The following OGA variants were observed in gnomAD, a reference collection of about 807,000 sequenced individuals.
The protein encoded by OGA is O-GlcNAcase, also known as protein O-GlcNAcase.
OGA carries 21 observed loss-of-function variants against 102.0 expected under a neutral mutation model. The ratio of observed to expected loss-of-function variants is 0.21; its 90% confidence interval spans 0.15 to 0.30. The LOEUF (loss-of-function observed/expected upper bound fraction) is 0.30, where lower values mean the gene tolerates loss of function less well. OGA is among the 10% of genes least tolerant of loss of function. The pLI is 1.00. For synonymous variants in OGA, 408 were observed against 378.2 expected, an observed-to-expected ratio of 1.08 and a Z score of -0.91; for missense variants, 765 against 1,107.8, an observed-to-expected ratio of 0.69 and a Z score of 4.39.
rs746300100 is a variant in OGA at position 101,818,317 on chromosome 10, C to T, written c.-295G>A. On this transcript the variant is annotated 5_prime_UTR_variant, in exon 1 of 16. Transcript: ENST00000361464. ...CTCTCGTTCCCTGGAAGAAGACGGC[C>T]AAGGGTCCTGTCCTCGTTCTCTGCC... 83 of 1,199,406 alleles carry T rather than the reference C, an allele frequency of 6.9e-5. 1 individual carries two copies. Among genetic ancestry groups the T allele is most frequent in the Admixed American group, 8.6e-5 (2 of 23,178 alleles). The allele number at this position is 1,199,406 out of a possible 1,614,324, so 74.3% of individuals were successfully genotyped here.
In OGA at chr10:101,798,039, G is replaced by C; in HGVS notation, c.1925C>G (p.Ser642Cys). The part of the protein sequence containing the change: ...ANRTILYDMY[S>C]YVWDIKSIMS... ...TATACTCTTGATATCCCAAACATAG[G>C]AGTACATGTCATAAAGAATTGTCCT... Residue 642 changes from serine (S) to cysteine (C), a missense_variant, in exon 10 of 16, where the codon TCC becomes TGC. By Grantham distance (112) the Ser-to-Cys change is moderately radical. Around this residue, in one of 7 missense-constraint regions of OGA, gnomAD observed 281 missense variants for 345.8 expected, o/e 0.81. Transcript: ENST00000361464. The C allele has an allele frequency of 1.9e-6, 3 of 1,613,966 alleles. No individual in the cohort carries two copies. Among genetic ancestry groups the C allele is most frequent in the Middle Eastern group, 3.3e-4 (2 of 6,058 alleles).
chr10:101,790,327 C>T (rs1173719681), intron 14 of OGA, among the ~76,000 whole-genome samples: 1 of 131,996 alleles, frequency 7.6e-6, no homozygotes, highest in Non-Finnish European at 1.5e-5. Flanking sequence ...GGCTGGAGTG[C>T]AGTGGCGCCA....
chr10:101,793,005 G>A, intron 11 of OGA, 62 bp from the exon 12 acceptor site: 1 of 1,304,608 alleles, frequency 7.7e-7, no homozygotes, highest in Non-Finnish European at 1.1e-6. Flanking sequence ...TTTTAAATGG[G>A]TGTGCACTGC....
At chr10:101,798,741 A>G in intron 9 of OGA, 101 bp downstream of exon 9, 1 of 1,394,452 alleles carries the variant, frequency 7.2e-7, no homozygotes, top group Non-Finnish European at 9.7e-7. Flanking sequence ...AACATGGTCA[A>G]TTTTCTGTCA....
At position 101,795,786 on chromosome 10, in the gene OGA, C is replaced by G. The variant is rs76830660; in HGVS notation, c.1985-1788G>C. On this transcript the variant is annotated intron_variant, in intron 10 of 15. Coordinates refer to ENST00000361464, the MANE Select transcript of OGA (RefSeq NM_012215.5). ...TGTCTTGGGCCACACATAAAATACACTAATGATAGTTGATGAGCTTAAAAA... is the reference window on the plus strand; with the variant it reads ...TGTCTTGGGCCACACATAAAATACAGTAATGATAGTTGATGAGCTTAAAAA... The G allele has an allele frequency of 2.0e-3, 1,097 of 553,492 alleles. 32 individuals carry two copies. In the Admixed American group the frequency reaches 0.045, roughly 23 times the overall value. 34.3% of individuals were successfully genotyped at this position (553,492 alleles called of 1,614,324 possible).
intron 6 of OGA, among the ~76,000 whole-genome samples, chr10:101,805,655 CAAA>C (rs976862193): frequency 9.9e-5 from 8 of 80,730 alleles, no homozygotes; most frequent in Non-Finnish European, 7.5e-5. Flanking sequence ...TGCTCTGTCT[CAAA>C]AAAAAAAAAA....
Position 101,787,458 on chromosome 10 carries a change from A to C in OGA, c.2520T>G (p.Pro840=). ...TGTGAATGTCCATCTTTATCAGAGAAGGGAAATTAGCAAGGAAAGTTTCTG... is the reference window on the plus strand; with the variant it reads ...TGTGAATGTCCATCTTTATCAGAGACGGGAAATTAGCAAGGAAAGTTTCTG... ...VLPETFLANF[P]SLIKMDIHKK... is the part of the protein sequence containing the mutation. Residue 840 remains proline (P), a synonymous_variant, in exon 15 of 16, where the codon CCT becomes CCG. Coordinates refer to ENST00000361464, the MANE Select transcript of OGA (RefSeq NM_012215.5). 1 of 1,613,832 alleles carries C rather than the reference A, an allele frequency of 6.2e-7. No individual in the cohort carries two copies. Among genetic ancestry groups the C allele is most frequent in the Non-Finnish European group, 8.5e-7 (1 of 1,179,706 alleles).
At chr10:101,795,970 C>A in intron 10 of OGA, 15 of 872,332 alleles carry the variant, frequency 1.7e-5, no homozygotes, top group Non-Finnish European at 2.1e-5. Flanking sequence ...CAGAGATAAA[C>A]CCTGAGAAGA....
At chr10:101,810,910 C>T (rs1202856332) in intron 3 of OGA, among the ~76,000 whole-genome samples, 7 of 151,538 alleles carry the variant, frequency 4.6e-5, no homozygotes, top group African/African-American at 1.5e-4. Context: ...AGGCTGGTCT[C>T]GAACTCCTGG....
intron 3 of OGA, among the ~76,000 whole-genome samples, chr10:101,812,145 C>T (rs2065566634): frequency 6.6e-6 from 1 of 152,184 alleles, no homozygotes; most frequent in East Asian, 1.9e-4. Context: ...AAAAATGTTT[C>T]ACCATTTACA....
At chr10:101,791,770 G>A (rs1183977879) in intron 12 of OGA, among the ~76,000 whole-genome samples, 1 of 151,426 alleles carries the variant, frequency 6.6e-6, no homozygotes, top group Non-Finnish European at 1.5e-5. Flanking sequence ...GGGTTCAAGT[G>A]ATTCTCCTGC....
chr10:101,808,977 A>C (rs899384304), intron 4 of OGA, among the ~76,000 whole-genome samples: 1 of 152,102 alleles, frequency 6.6e-6, no homozygotes, highest in African/African-American at 2.4e-5. Flanking sequence ...TTCAAAAAAA[A>C]AAAGGAAAAT....
At chr10:101,813,462 C>A in intron 2 of OGA, 93 bp downstream of exon 2, 1 of 803,336 alleles carries the variant, frequency 1.2e-6, no homozygotes, top group Admixed American at 2.6e-5. Context: ...CATCAAAATG[C>A]ACCTGGGCTA....
intron 13 of OGA, 48 bp downstream of exon 13, chr10:101,791,306 G>A: frequency 6.8e-7 from 1 of 1,468,166 alleles, no homozygotes. Context: ...AACCTGATAA[G>A]CCTCACTATG....
At position 101,803,894 on chromosome 10, in the gene OGA, G is replaced by C. The variant is rs1441020026; in HGVS notation, c.877C>G (p.Leu293Val). ...ANDYDQKRLF[L>V]GPYKGRSTEL... ...GTGGATCTTCCTTTGTACGGGCCCA[G>C]AAACAGTCTCTTCTGATCATAATCA... The change falls in exon 7 of 16, where the codon CTG becomes GTG. Residue 293 changes from leucine to valine, a missense_variant. Leu to Val is a conservative substitution (Grantham distance 32, BLOSUM62 1). This residue lies in a region of OGA where 13 missense variants were observed against 56.5 expected (regional missense o/e 0.23). Transcript: ENST00000361464. The C allele has an allele frequency of 1.2e-6, 2 of 1,614,208 alleles. No homozygotes were observed. Among genetic ancestry groups the C allele is most frequent in the Non-Finnish European group, 1.7e-6 (2 of 1,180,038 alleles).
At chr10:101,797,886 G>GT (rs1428671460) in intron 10 of OGA, 94 bp downstream of exon 10, 1 of 1,269,594 alleles carries the variant, frequency 7.9e-7, no homozygotes, top group South Asian at 1.2e-5. Context: ...ACTTGGAAAT[G>GT]TGCCAATTCC....
At position 101,799,602 on chromosome 10, in the gene OGA, A is replaced by G. The variant is rs1471261176; in HGVS notation, c.1196-147T>C. 27 of 872,394 alleles carry G rather than the reference A, an allele frequency of 3.1e-5. No individual in the cohort carries two copies. The Admixed American group carries it at 7.9e-4, about 25-fold the overall frequency. 54.0% of individuals were successfully genotyped at this position (872,394 alleles called of 1,614,324 possible). A position where few individuals can be genotyped will look rare whatever the true frequency, so the allele number is the denominator to read the frequency against. ...TCCAAATTAATTTGACCTCTAAGAA[A>G]AATGAGATTTCTCTATACTACTAGG... On this transcript the variant is annotated intron_variant, in intron 8 of 15. Coordinates refer to ENST00000361464, the MANE Select transcript of OGA (RefSeq NM_012215.5).
rs1392125938 is a variant in OGA, at chr10:101,798,921, T to C, written c.1730A>G (p.Gln577Arg). Residue 577 changes from glutamine to arginine, a missense_variant, in exon 9 of 16, where the codon CAG becomes CGG. This residue lies in a region of OGA where 281 missense variants were observed against 345.8 expected (regional missense o/e 0.81). Transcript: ENST00000361464. The part of the protein sequence containing the change: ...LPYEHGPKGA[Q>R]MLREFQWLRA... ...AAGCCATTGAAATTCCCGTAACATCTGTGCTCCTTTGGGTCCATGCTCGTA... is the reference window on the plus strand; with the variant it reads ...AAGCCATTGAAATTCCCGTAACATCCGTGCTCCTTTGGGTCCATGCTCGTA... 1 of 1,614,194 alleles carries C rather than the reference T, an allele frequency of 6.2e-7. No individual in the cohort carries two copies. Among genetic ancestry groups the C allele is most frequent in the Non-Finnish European group, 8.5e-7 (1 of 1,180,030 alleles).
chr10:101,798,116 C>G lies in OGA; in HGVS notation c.1848G>C (p.Glu616Asp), dbSNP rs767895377. 2 of 1,614,008 alleles carry G rather than the reference C, an allele frequency of 1.2e-6. No homozygotes were observed. Among genetic ancestry groups the G allele is most frequent in the African/African-American group, 2.7e-5 (2 of 74,886 alleles). Residue 616 changes from glutamate to aspartate, a missense_variant, in exon 10 of 16, where the codon GAG becomes GAC. Around this residue, in one of 7 missense-constraint regions of OGA, gnomAD observed 281 missense variants for 345.8 expected, o/e 0.81. Coordinates refer to ENST00000361464, the MANE Select transcript of OGA (RefSeq NM_012215.5). ...EWRSRAAKFE[E>D]MCGLVMGMFT... ...ACATTCCCATCACTAGTCCACACAT[C>G]TCTTCAAACTTGGCTGCTCGTGACC...
Sources: allele counts gnomAD v4.1 joint callset (sites outside exome capture counted in the v4.1 genomes callset), GRCh38; gene constraint gnomAD v4.1.1; regional missense constraint gnomAD v4.1.1; transcripts MANE v1.5; gene names NCBI Gene and HGNC (gene_info 2026-07-23, HGNC 2026-07-21).